Variants in GRIK1 observed in about 807,000 individuals in gnomAD.
The protein encoded by GRIK1 is glutamate receptor ionotropic, kainate 1.
A neutral mutation model predicts 105.7 loss-of-function variants in GRIK1; 69 were observed. That is an observed-to-expected ratio of 0.65 (90% CI 0.54 to 0.80). The LOEUF is 0.80. Among genes scored for constraint, GRIK1 ranks in the 30% least tolerant of loss-of-function variants. The pLI is 0.00. For missense variants in GRIK1, 1,109 were observed against 1,167.3 expected, an observed-to-expected ratio of 0.95 and a Z score of 0.73; for synonymous variants, 438 against 431.3, an observed-to-expected ratio of 1.02 and a Z score of -0.19.
At chr21:29,541,223 T>C (rs117315764) in intron 16 of GRIK1, among the ~76,000 whole-genome samples, 3,128 of 152,296 alleles carry the variant, frequency 0.021, 53 homozygotes, top group Non-Finnish European at 0.031. Flanking sequence ...CCCTTGGCCT[T>C]GCAAAGTGCT....
intron 1 of GRIK1, among the ~76,000 whole-genome samples, chr21:29,735,547 A>G (rs1470401928): frequency 1.3e-5 from 2 of 152,182 alleles, no homozygotes; most frequent in Non-Finnish European, 2.9e-5. Context: ...ACACATGGAT[A>G]TGACTAAGTA....
At chr21:29,608,119 T>C (rs3026021) in intron 7 of GRIK1, among the ~76,000 whole-genome samples, 5,091 of 152,244 alleles carry the variant, frequency 0.033, 133 homozygotes, top group Non-Finnish European at 0.05. Flanking sequence ...ATACGTCTTA[T>C]TATTTCTATA....
intron 1 of GRIK1, among the ~76,000 whole-genome samples, chr21:29,918,186 A>G (rs1407347712): frequency 1.3e-5 from 2 of 152,120 alleles, no homozygotes; most frequent in Non-Finnish European, 2.9e-5. Flanking sequence ...TAGAATTACT[A>G]AGAAAATTTT....
intron 1 of GRIK1, among the ~76,000 whole-genome samples, chr21:29,797,808 A>C (rs2066598648): frequency 6.6e-6 from 1 of 152,194 alleles, no homozygotes; most frequent in East Asian, 1.9e-4. Context: ...TCTTTTATCA[A>C]AAAAGTACAA....
At chr21:29,692,001 A>G (rs2063593329) in intron 2 of GRIK1, among the ~76,000 whole-genome samples, 1 of 152,164 alleles carries the variant, frequency 6.6e-6, no homozygotes, top group Non-Finnish European at 1.5e-5. Flanking sequence ...TAGCCAGATA[A>G]AAGGAGAGTA....
chr21:29,882,415 G>A (rs1050461879), intron 1 of GRIK1, among the ~76,000 whole-genome samples: 1 of 152,030 alleles, frequency 6.6e-6, no homozygotes, highest in Admixed American at 6.6e-5. Flanking sequence ...TGTCATTGAA[G>A]AAATGGTTCT....
At chr21:29,867,918 A>AAGAGAGAAAG (rs1158159943) in intron 1 of GRIK1, among the ~76,000 whole-genome samples, 2 of 127,832 alleles carry the variant, frequency 1.6e-5, no homozygotes, top group Admixed American at 7.5e-5. Flanking sequence ...AAGAGAGAGA[A>AAGAGAGAAAG]AGAGAGAAAG....
intron 1 of GRIK1, among the ~76,000 whole-genome samples, chr21:29,900,054 C>T (rs1401480627): frequency 6.7e-6 from 1 of 148,726 alleles, no homozygotes; most frequent in African/African-American, 2.5e-5. Context: ...ATTTTGTCAC[C>T]ACCAGGCCTG....
chr21:29,627,622 G>A (rs185435986), intron 7 of GRIK1, among the ~76,000 whole-genome samples: 2 of 152,262 alleles, frequency 1.3e-5, no homozygotes, highest in Admixed American at 1.3e-4. Context: ...CTCAATTCCT[G>A]TGCATTCCCA....
At chr21:29,750,787 T>C (rs1464778642) in intron 1 of GRIK1, among the ~76,000 whole-genome samples, 2 of 152,344 alleles carry the variant, frequency 1.3e-5, no homozygotes, top group East Asian at 3.9e-4. Context: ...GTTTGATATA[T>C]TATTAGATAT....
chr21:29,840,993 T>C (rs1471321933), intron 1 of GRIK1, among the ~76,000 whole-genome samples: 1 of 152,152 alleles, frequency 6.6e-6, no homozygotes, highest in African/African-American at 2.4e-5. Context: ...TGAACTGAAC[T>C]TTACACTGGA....
intron 1 of GRIK1, among the ~76,000 whole-genome samples, chr21:29,756,929 C>A (rs2065359319): frequency 6.6e-6 from 1 of 152,038 alleles, no homozygotes; most frequent in African/African-American, 2.4e-5. Flanking sequence ...GCCTGGCCAA[C>A]ATGGTGAAAC....
chr21:29,743,491 T>C (rs963745784), intron 1 of GRIK1, among the ~76,000 whole-genome samples: 1 of 151,964 alleles, frequency 6.6e-6, no homozygotes, highest in Non-Finnish European at 1.5e-5. Context: ...AGGTTAGGAG[T>C]TCGAGACTAG....
chr21:29,781,657 C>CTTTTTTTTTTT lies in GRIK1; in HGVS notation c.119-87605_119-87595dup, dbSNP rs71191125. Among the ~76,000 whole-genome samples, 16 of 69,274 alleles carry CTTTTTTTTTTT rather than the reference C, an allele frequency of 2.3e-4. 1 individual carries two copies. Among genetic ancestry groups the CTTTTTTTTTTT allele is most frequent in the South Asian group, 7.9e-4 (1 of 1,266 alleles). The allele number at this position is 69,274 out of a possible 152,430, so 45.4% of individuals were successfully genotyped here. On this transcript the variant is annotated intron_variant, in intron 1 of 17. Transcript: ENST00000327783. ...TACATGTGCACCTAACCTACTGTTT[C>CTTTTTTTTTTT]TTTTTTTTTTTTTTTTTTTTTTTTG... is the stretch of plus-strand genomic sequence containing the variant.
chr21:29,586,353 G>A (rs989636198), intron 12 of GRIK1, among the ~76,000 whole-genome samples: 1 of 152,158 alleles, frequency 6.6e-6, no homozygotes, highest in African/African-American at 2.4e-5. Context: ...TCCAGCCTGT[G>A]TTATTTTCCC....
intron 1 of GRIK1, among the ~76,000 whole-genome samples, chr21:29,786,220 C>CA (rs2066257254): frequency 1.3e-5 from 2 of 152,152 alleles, no homozygotes; most frequent in Non-Finnish European, 2.9e-5. Flanking sequence ...ATCTCTTGAC[C>CA]CTGTGATCCG....
intron 7 of GRIK1, among the ~76,000 whole-genome samples, chr21:29,607,904 T>C (rs1049308803): frequency 1.4e-4 from 22 of 152,330 alleles, no homozygotes; most frequent in Non-Finnish European, 1.6e-4. Flanking sequence ...AATTTTTATA[T>C]AAACAGTTTT....
intron 15 of GRIK1, among the ~76,000 whole-genome samples, chr21:29,561,002 G>A (rs1038486756): frequency 3.3e-5 from 5 of 152,142 alleles, no homozygotes; most frequent in South Asian, 4.1e-4. Flanking sequence ...TCCTATAGAC[G>A]TACAAGAATG....
At chr21:29,929,844 A>G (rs902801130) in intron 1 of GRIK1, among the ~76,000 whole-genome samples, 7 of 152,234 alleles carry the variant, frequency 4.6e-5, no homozygotes, top group African/African-American at 1.7e-4. Flanking sequence ...TGAAATAAGC[A>G]TGTTGAAGAG....
Sources: gnomAD v4.1 joint callset for allele counts (sites outside exome capture counted in the v4.1 genomes callset) on GRCh38, gnomAD v4.1.1 for gene constraint, MANE v1.5 for transcripts, NCBI Gene and HGNC (gene_info 2026-07-23, HGNC 2026-07-21) for gene names.